The following RAB38 variants were observed in gnomAD, a reference collection of about 807,000 sequenced individuals.
RAB38 encodes the protein ras-related protein Rab-38.
RAB38 carries 15 observed loss-of-function variants against 18.4 expected under a neutral mutation model. The observed-to-expected ratio is 0.82, with a 90% CI of 0.55 to 1.26. The LOEUF (loss-of-function observed/expected upper bound fraction) is 1.26, where lower values mean the gene tolerates loss of function less well. RAB38 is among the 50% of genes most tolerant of loss of function. The pLI is 0.00. For synonymous variants in RAB38, 101 were observed against 104.4 expected, an observed-to-expected ratio of 0.97 and a Z score of 0.20; for missense variants, 294 against 267.4, an observed-to-expected ratio of 1.10 and a Z score of -0.69.
At chr11:88,125,931 T>C (rs1942689645) in intron 2 of RAB38, among the ~76,000 whole-genome samples, 1 of 152,232 alleles carries the variant, frequency 6.6e-6, no homozygotes, top group African/African-American at 2.4e-5. Context: ...TCTTTCTACA[T>C]ATGGCTAGCC....
At chr11:87,841,727 A>G in the RAB38 span, among the ~76,000 whole-genome samples, 4 of 152,190 alleles carry the variant, frequency 2.6e-5, no homozygotes, top group East Asian at 7.7e-4. Flanking sequence ...GAAAAAACTC[A>G]TTGTTTATAG....
chr11:88,160,702 C>A (rs887915396), intron 1 of RAB38, among the ~76,000 whole-genome samples: 2 of 152,084 alleles, frequency 1.3e-5, no homozygotes, highest in African/African-American at 4.8e-5. Context: ...TAGCTGGAGG[C>A]CATTACCCTA....
the RAB38 span, among the ~76,000 whole-genome samples, chr11:87,952,929 A>G: frequency 6.6e-6 from 1 of 152,074 alleles, no homozygotes; most frequent in Non-Finnish European, 1.5e-5. Flanking sequence ...TTTATTATAG[A>G]CAATAAGTAT....
the RAB38 span, among the ~76,000 whole-genome samples, chr11:88,003,657 A>C: frequency 1.5e-4 from 5 of 33,314 alleles, 2 homozygotes; most frequent in Admixed American, 9.4e-4. Flanking sequence ...AGATTGTATA[A>C]TATATATAAT....
intron 1 of RAB38, among the ~76,000 whole-genome samples, chr11:88,157,914 A>T (rs914147115): frequency 6.6e-6 from 1 of 152,086 alleles, no homozygotes; most frequent in Non-Finnish European, 1.5e-5. Context: ...ATCAGAACAA[A>T]AAAACACTAA....
chr11:87,928,942 C>A, the RAB38 span, among the ~76,000 whole-genome samples: 1 of 152,018 alleles, frequency 6.6e-6, no homozygotes, highest in Non-Finnish European at 1.5e-5. Context: ...TGGTGAAACC[C>A]TATCTCTACT....
chr11:87,862,674 A>C, the RAB38 span, among the ~76,000 whole-genome samples: 29 of 152,006 alleles, frequency 1.9e-4, 2 homozygotes, highest in African/African-American at 7.0e-4. Context: ...AGTTAAATAA[A>C]AACTAAAAAA....
At chr11:87,974,231 T>C in the RAB38 span, among the ~76,000 whole-genome samples, 2 of 151,848 alleles carry the variant, frequency 1.3e-5, no homozygotes, top group South Asian at 4.1e-4. Flanking sequence ...CAAGTACTTA[T>C]GGAAGCTACA....
chr11:87,959,779 G>T, the RAB38 span, among the ~76,000 whole-genome samples: 1 of 152,082 alleles, frequency 6.6e-6, no homozygotes, highest in Non-Finnish European at 1.5e-5. Flanking sequence ...TAGCATCGAT[G>T]AGCCCAAGTC....
chr11:87,957,642 G>T, the RAB38 span, among the ~76,000 whole-genome samples: 1 of 152,156 alleles, frequency 6.6e-6, no homozygotes, highest in Non-Finnish European at 1.5e-5. Context: ...AGGAACTCTA[G>T]AACAAGACCC....
At position 88,114,034 on chromosome 11, in the gene RAB38, A is replaced by C. The variant is rs771740700; in HGVS notation, c.590T>G (p.Leu197Arg). ...GCAGCTGGCAACCTTGGTTGATGTG[A>C]GATGGGGCTTCACGACGTCCGGCTC... ...SIEPDVVKPHLTSTKVASCSG... is the reference protein window; with the variant it reads ...SIEPDVVKPHRTSTKVASCSG... Residue 197 changes from leucine to arginine, a missense_variant, in exon 3 of 3, where the codon CTC becomes CGC. Physicochemically the swap from Leu to Arg is moderately radical, Grantham distance 102. Coordinates refer to ENST00000243662, the MANE Select transcript of RAB38 (RefSeq NM_022337.3). 1 of 1,614,180 alleles carries C rather than the reference A, an allele frequency of 6.2e-7. No homozygotes were observed. The highest frequency in any genetic ancestry group is 8.5e-7 in the Non-Finnish European group (1 of 1,180,028).
chr11:87,873,715 C>CT, the RAB38 span, among the ~76,000 whole-genome samples: 2 of 151,138 alleles, frequency 1.3e-5, no homozygotes, highest in African/African-American at 4.8e-5. Context: ...AAAAAATATC[C>CT]TTTTTCCATT....
At chr11:87,893,390 A>T in the RAB38 span, among the ~76,000 whole-genome samples, 729 of 93,892 alleles carry the variant, frequency 7.8e-3, 9 homozygotes, top group African/African-American at 0.024. Context: ...ATATATATAT[A>T]TTTTTTTTTT....
the RAB38 span, among the ~76,000 whole-genome samples, chr11:88,101,212 C>T: frequency 9.2e-5 from 14 of 151,938 alleles, no homozygotes; most frequent in South Asian, 2.1e-4. Flanking sequence ...ACATCAATGA[C>T]GGAAGTGGAA....
the RAB38 span, among the ~76,000 whole-genome samples, chr11:87,874,067 T>C: frequency 6.6e-6 from 1 of 150,840 alleles, no homozygotes; most frequent in Non-Finnish European, 1.5e-5. Context: ...TATAATTAAG[T>C]CCAATTCGAC....
At chr11:87,808,882 TA>T in the RAB38 span, among the ~76,000 whole-genome samples, 2 of 152,000 alleles carry the variant, frequency 1.3e-5, no homozygotes, top group African/African-American at 4.8e-5. Context: ...TTTTCATGGG[TA>T]AAAATAAAGG....
chr11:88,027,538 C>T, the RAB38 span, among the ~76,000 whole-genome samples: 137 of 152,308 alleles, frequency 9.0e-4, no homozygotes, highest in African/African-American at 2.3e-3. Context: ...GCTTTTCTGA[C>T]GGCCTTAAAA....
the RAB38 span, among the ~76,000 whole-genome samples, chr11:88,028,622 G>A: frequency 1.3e-5 from 2 of 152,064 alleles, no homozygotes; most frequent in Non-Finnish European, 2.9e-5. Flanking sequence ...TGGAAGAAAG[G>A]GTATCACCGA....
At chr11:87,804,572 AT>A in the RAB38 span, among the ~76,000 whole-genome samples, 179 of 147,588 alleles carry the variant, frequency 1.2e-3, 2 homozygotes, top group East Asian at 0.013. Context: ...TTCCACTCAG[AT>A]TTTTTTTTTT....
Sources: allele counts gnomAD v4.1 joint callset (sites outside exome capture counted in the v4.1 genomes callset), GRCh38; gene constraint gnomAD v4.1.1; transcripts MANE v1.5; gene names NCBI Gene and HGNC (gene_info 2026-07-23, HGNC 2026-07-21).